The following SDK1 variants were observed in gnomAD, a reference collection of about 807,000 sequenced individuals.
The protein encoded by SDK1 is protein sidekick-1.
SDK1 carries 157 observed loss-of-function variants against 245.5 expected under a neutral mutation model. The ratio of observed to expected loss-of-function variants is 0.64; its 90% CI spans 0.56 to 0.73. SDK1 has a LOEUF of 0.73. SDK1 is among the 30% of genes least tolerant of loss of function. The pLI is 0.00. For synonymous variants in SDK1, 1,647 were observed against 1,278.5 expected (o/e 1.29, Z -6.15); for missense variants, 3,583 against 3,002.3 (o/e 1.19, Z -4.52).
chr7:4,207,229 C>T lies in SDK1; in HGVS notation c.5215-870C>T, dbSNP rs1021012189. Among the ~76,000 whole-genome samples the T allele has an allele frequency of 9.2e-5, 14 of 152,312 alleles. No homozygotes were observed. The East Asian group carries it at 1.9e-3, about 21-fold the overall frequency. ...CCTGGGGCGCTCCAGGCTGCCTCCC[C>T]GAAGCCTCCGTGCTGCCTTTTCACA... On this transcript the variant is annotated intron_variant, in intron 36 of 44. Coordinates refer to ENST00000404826, the MANE Select transcript of SDK1 (RefSeq NM_152744.4).
intron 25 of SDK1, among the ~76,000 whole-genome samples, chr7:4,122,943 T>C (rs1475233786): frequency 6.6e-6 from 1 of 152,236 alleles, no homozygotes. Context: ...TGCCATTTTC[T>C]TTGCTTTAGC....
intron 5 of SDK1, among the ~76,000 whole-genome samples, chr7:3,889,202 T>C (rs1416117076): frequency 6.6e-6 from 1 of 152,252 alleles, no homozygotes; most frequent in African/African-American, 2.4e-5. Flanking sequence ...CTTGAGGCCA[T>C]CACACTATTT....
At chr7:4,028,371 CAAT>C in intron 17 of SDK1, among the ~76,000 whole-genome samples, 1 of 152,306 alleles carries the variant, frequency 6.6e-6, no homozygotes, top group East Asian at 1.9e-4. Context: ...TGGAGAGAAA[CAAT>C]AAGCAACAGT....
Position 4,156,238 on chromosome 7 carries a change from G to A in SDK1, c.4626-2210G>A, listed in dbSNP as rs987976294. On this transcript the variant is annotated intron_variant, in intron 30 of 44. Transcript: ENST00000404826. ...AGTGGGGCTATGGTGGGTGGCGCAG[G>A]GGGAGGAGGCAGGGAGGTCGTGGGA... Among the ~76,000 whole-genome samples, 5 of 152,166 alleles carry A rather than the reference G, an allele frequency of 3.3e-5. No individual in the cohort carries two copies. In the South Asian group the frequency reaches 1.0e-3, roughly 31 times the overall value.
intron 38 of SDK1, among the ~76,000 whole-genome samples, chr7:4,216,353 G>T (rs774376008): frequency 6.6e-6 from 1 of 152,154 alleles, no homozygotes; most frequent in South Asian, 2.1e-4. Flanking sequence ...CCCGCCCCAC[G>T]GCCGCTGCTC....
At chr7:3,412,923 A>G (rs1779254239) in intron 1 of SDK1, among the ~76,000 whole-genome samples, 5 of 152,176 alleles carry the variant, frequency 3.3e-5, no homozygotes, top group Admixed American at 1.3e-4. Context: ...CAAACCTACT[A>G]TTTGGTTCTA....
chr7:3,571,348 G>A (rs1358873219), intron 1 of SDK1, among the ~76,000 whole-genome samples: 3 of 151,766 alleles, frequency 2.0e-5, no homozygotes, highest in Admixed American at 6.6e-5. Context: ...TGTCACGCAC[G>A]TGGGGGTGCA....
At chr7:3,349,437 C>CATTTCGATTTTTTCGTGTTCCCCAAGA (rs1780598514) in intron 1 of SDK1, among the ~76,000 whole-genome samples, 1 of 152,086 alleles carries the variant, frequency 6.6e-6, no homozygotes, top group Non-Finnish European at 1.5e-5. Flanking sequence ...TGGAACTGTG[C>CATTTCGATTTTTTCGTGTTCCCCAAGA]TTGGCTATTG....
intron 1 of SDK1, among the ~76,000 whole-genome samples, chr7:3,559,779 A>T (rs1443942162): frequency 6.6e-6 from 1 of 152,114 alleles, no homozygotes; most frequent in African/African-American, 2.4e-5. Context: ...AAAAACACAA[A>T]AATCTAAACG....
At chr7:4,165,651 G>C (rs984299466) in intron 32 of SDK1, among the ~76,000 whole-genome samples, 11 of 151,936 alleles carry the variant, frequency 7.2e-5, no homozygotes, top group Admixed American at 6.6e-4. Context: ...CACCATACCT[G>C]GCTAATTTTT....
intron 1 of SDK1, among the ~76,000 whole-genome samples, chr7:3,356,670 T>A (rs112736727): frequency 1.6e-4 from 24 of 152,198 alleles, no homozygotes; most frequent in Non-Finnish European, 4.4e-5. Context: ...AGGAAACTTT[T>A]TCAATTTTTG....
At chr7:3,693,995 C>T (rs11773492) in intron 4 of SDK1, among the ~76,000 whole-genome samples, 124,247 of 152,134 alleles carry the variant, frequency 0.82, 50,879 homozygotes, top group Non-Finnish European at 0.85. Context: ...GTGACTGACT[C>T]TTCCTCCAGA....
intron 1 of SDK1, among the ~76,000 whole-genome samples, chr7:3,394,868 T>C (rs1473138329): frequency 6.6e-6 from 1 of 152,114 alleles, no homozygotes; most frequent in Non-Finnish European, 1.5e-5. Context: ...GTGAACTAGA[T>C]GTGCTTTTTA....
intron 38 of SDK1, among the ~76,000 whole-genome samples, chr7:4,211,730 C>A (rs1242344642): frequency 6.6e-6 from 1 of 152,232 alleles, no homozygotes; most frequent in African/African-American, 2.4e-5. Context: ...CTGCCTCAGC[C>A]TCCCGAGTAG....
chr7:4,256,635 C>T (rs570856491), intron 44 of SDK1, among the ~76,000 whole-genome samples: 2 of 152,254 alleles, frequency 1.3e-5, no homozygotes, highest in African/African-American at 2.4e-5. Context: ...CAATATAAAC[C>T]GAAATGTTGG....
At chr7:4,200,365 G>A (rs536207181) in intron 35 of SDK1, among the ~76,000 whole-genome samples, 57 of 152,362 alleles carry the variant, frequency 3.7e-4, no homozygotes, top group Non-Finnish European at 7.2e-4. Flanking sequence ...GTATCAGTCA[G>A]CTGTTACCAC....
At chr7:3,612,775 T>C (rs1440454546) in intron 1 of SDK1, among the ~76,000 whole-genome samples, 1 of 152,146 alleles carries the variant, frequency 6.6e-6, no homozygotes, top group East Asian at 1.9e-4. Context: ...CCTGGCTGAT[T>C]ACTCCATTCA....
In SDK1 at chr7:3,580,987, AAAAAAAACCAAAAC is replaced by A. The variant is rs1413056457; in HGVS notation, c.299-38088_299-38075del. On this transcript the variant is annotated intron_variant, in intron 1 of 44. Transcript: ENST00000404826. ...CCATCTCAAAAAAAAAAAAAAAAAA[AAAAAAAACCAAAAC>A]AAAACCCTGGAAGACAATCTATGCA... Among the ~76,000 whole-genome samples, 28 of 139,180 alleles carry A rather than the reference AAAAAAAACCAAAAC, an allele frequency of 2.0e-4. 1 individual carries two copies. Among genetic ancestry groups the A allele is most frequent in the East Asian group, 1.8e-3 (8 of 4,348 alleles). 91.3% of individuals were successfully genotyped at this position (139,180 alleles called of 152,430 possible).
chr7:3,806,915 C>T (rs779233931), intron 4 of SDK1, among the ~76,000 whole-genome samples: 1 of 152,064 alleles, frequency 6.6e-6, no homozygotes, highest in Non-Finnish European at 1.5e-5. Flanking sequence ...TGCTTCCTGC[C>T]TGTATCTTAC....
Sources: gnomAD v4.1 joint callset for allele counts (sites outside exome capture counted in the v4.1 genomes callset) on GRCh38, gnomAD v4.1.1 for gene constraint, MANE v1.5 for transcripts, NCBI Gene and HGNC (gene_info 2026-07-23, HGNC 2026-07-21) for gene names.